MTBP: variants seen among roughly 807,000 people sequenced by gnomAD.
MTBP encodes the protein MDM2 binding protein, also known as mdm2-binding protein.
A neutral mutation model predicts 117.0 loss-of-function variants in MTBP; 101 were observed. The ratio of observed to expected loss-of-function variants is 0.86; its 90% CI spans 0.73 to 1.02. MTBP has a LOEUF of 1.02. Ranked by LOEUF, MTBP falls within the 50% of genes least tolerant of loss-of-function variation. MTBP has a pLI of 0.00. For synonymous variants in MTBP, 350 were observed against 351.5 expected (o/e 1.00, Z 0.05); for missense variants, 970 against 1,030.9 (o/e 0.94, Z 0.81).
At chr8:120,500,457 T>A (rs1814560145) in intron 14 of MTBP, among the ~76,000 whole-genome samples, 1 of 152,218 alleles carries the variant, frequency 6.6e-6, no homozygotes, top group Non-Finnish European at 1.5e-5. Flanking sequence ...ATTGCTTATA[T>A]TCTTTTATGA....
chr8:120,479,507 A>C (rs149760839), intron 11 of MTBP, among the ~76,000 whole-genome samples: 89 of 152,356 alleles, frequency 5.8e-4, no homozygotes, highest in African/African-American at 1.7e-3. Flanking sequence ...CTTGACTACC[A>C]ACCTTTATTG....
chr8:120,513,458 CT>C (rs1814855045), intron 17 of MTBP, among the ~76,000 whole-genome samples: 1 of 151,944 alleles, frequency 6.6e-6, no homozygotes, highest in African/African-American at 2.4e-5. Flanking sequence ...CACCCTGCCC[CT>C]TGCCTCTCTG....
intron 11 of MTBP, chr8:120,473,903 A>G (rs1813877516): frequency 6.6e-6 from 1 of 152,122 alleles, no homozygotes; most frequent in Non-Finnish European, 1.5e-5. Context: ...TCAGTTAATC[A>G]TAATATTAAC....
chr8:120,470,137 C>T (rs1813788132), intron 10 of MTBP, among the ~76,000 whole-genome samples: 1 of 151,960 alleles, frequency 6.6e-6, no homozygotes, highest in Non-Finnish European at 1.5e-5. Context: ...TTTTATTCAG[C>T]CCTTAATAAA....
At chr8:120,501,319 G>A (rs1452518438) in intron 14 of MTBP, among the ~76,000 whole-genome samples, 2 of 152,076 alleles carry the variant, frequency 1.3e-5, no homozygotes, top group Non-Finnish European at 2.9e-5. Context: ...CGGAGATTGG[G>A]CCAGTGCACT....
At chr8:120,509,463 A>G (rs768559582) in intron 16 of MTBP, among the ~76,000 whole-genome samples, 99 of 152,172 alleles carry the variant, frequency 6.5e-4, no homozygotes, top group Middle Eastern at 3.4e-3. Context: ...TTAGTTGGAC[A>G]TGGGAGCGGG....
At position 120,518,713 on chromosome 8, in the gene MTBP, G is replaced by C; in HGVS notation, c.2506G>C (p.Glu836Gln). 1 of 1,604,326 alleles carries C rather than the reference G, an allele frequency of 6.2e-7. No homozygotes were observed. Among genetic ancestry groups the C allele is most frequent in the Non-Finnish European group, 8.5e-7 (1 of 1,173,030 alleles). ...RSQKHTRILK[E>Q]VVTETLKKHS... ...TTATGTTCTGTTCAAGATACTGAAA[G>C]AAGTAGTTACTGAAACCCTGAAGAA... The change falls in exon 20 of 22, where the codon GAA (glutamate) becomes CAA (glutamine). Residue 836 changes from glutamate (E) to glutamine (Q), a missense_variant. Coordinates refer to ENST00000305949, the MANE Select transcript of MTBP (RefSeq NM_022045.5).
intron 4 of MTBP, among the ~76,000 whole-genome samples, 194 bp from the exon 5 acceptor site, chr8:120,453,653 G>A (rs1470852886): frequency 1.6e-5 from 2 of 128,812 alleles, no homozygotes; most frequent in Non-Finnish European, 3.2e-5. Flanking sequence ...GTAACTTTAG[G>A]GAAGTTATTT....
intron 11 of MTBP, among the ~76,000 whole-genome samples, chr8:120,475,972 C>G (rs956946760): frequency 2.0e-5 from 3 of 151,708 alleles, no homozygotes; most frequent in African/African-American, 7.3e-5. Flanking sequence ...CTTTAATTCT[C>G]GAAACAATAC....
At chr8:120,479,806 CAA>C (rs1279427766) in intron 11 of MTBP, among the ~76,000 whole-genome samples, 3 of 151,938 alleles carry the variant, frequency 2.0e-5, no homozygotes, top group East Asian at 1.9e-4. Flanking sequence ...AAAATAAAAA[CAA>C]AACATAAAAT....
chr8:120,470,714 A>T, intron 10 of MTBP, 106 bp from the exon 11 acceptor site: 1 of 769,590 alleles, frequency 1.3e-6, no homozygotes, highest in Non-Finnish European at 2.1e-6. Context: ...GGGCATTACT[A>T]AATGCATGTT....
intron 11 of MTBP, among the ~76,000 whole-genome samples, chr8:120,480,548 A>C (rs1479765766): frequency 6.6e-6 from 1 of 152,240 alleles, no homozygotes; most frequent in South Asian, 2.1e-4. Context: ...ACTTATTATA[A>C]AGCCACAGTT....
chr8:120,474,651 C>T (rs1226629567), intron 11 of MTBP, among the ~76,000 whole-genome samples: 1 of 151,928 alleles, frequency 6.6e-6, no homozygotes, highest in Non-Finnish European at 1.5e-5. Flanking sequence ...TCCTTTGTGA[C>T]TTTATTATTC....
At chr8:120,461,687 A>G (rs1813585789) in intron 9 of MTBP, among the ~76,000 whole-genome samples, 1 of 152,114 alleles carries the variant, frequency 6.6e-6, no homozygotes, top group Non-Finnish European at 1.5e-5. Context: ...CTGCCCAGAC[A>G]CCACCACGTA....
At chr8:120,457,909 G>A (rs1813503961) in intron 7 of MTBP, among the ~76,000 whole-genome samples, 1 of 147,396 alleles carries the variant, frequency 6.8e-6, no homozygotes, top group South Asian at 2.2e-4. Context: ...TCGCGCCACT[G>A]CACTCCAGCC....
chr8:120,514,103 A>C (rs1428164420), intron 17 of MTBP, among the ~76,000 whole-genome samples: 1 of 151,710 alleles, frequency 6.6e-6, no homozygotes, highest in Non-Finnish European at 1.5e-5. Flanking sequence ...TTTAAATATA[A>C]TTAATTTTAA....
chr8:120,487,064 C>A (rs2130577673), intron 11 of MTBP, among the ~76,000 whole-genome samples: 1 of 152,222 alleles, frequency 6.6e-6, no homozygotes, highest in African/African-American at 2.4e-5. Flanking sequence ...CACTTTGATT[C>A]CCTGATAATC....
chr8:120,502,725 A>G (rs1265577191), intron 15 of MTBP, 116 bp downstream of exon 15: 3 of 615,468 alleles, frequency 4.9e-6, no homozygotes, highest in Non-Finnish European at 8.1e-6. Flanking sequence ...TTATAAAAGA[A>G]ATACATACTT....
chr8:120,515,908 T>C lies in MTBP; in HGVS notation c.1980-17T>C. 1 of 1,608,256 alleles carries C rather than the reference T, an allele frequency of 6.2e-7. No homozygotes were observed. The highest frequency in any genetic ancestry group is 8.5e-7 in the Non-Finnish European group (1 of 1,176,858). ...CTCATGGAGGTTTACATTTTAATGCTCTTTCACTCATTTTAGATATTGCTT... is the reference window on the plus strand; with the variant it reads ...CTCATGGAGGTTTACATTTTAATGCCCTTTCACTCATTTTAGATATTGCTT... On this transcript the variant is annotated splice_polypyrimidine_tract_variant and intron_variant, in intron 17 of 21. Transcript: ENST00000305949.
Sources: allele counts gnomAD v4.1 joint callset (sites outside exome capture counted in the v4.1 genomes callset), GRCh38; gene constraint gnomAD v4.1.1; transcripts MANE v1.5; gene names NCBI Gene and HGNC (gene_info 2026-07-23, HGNC 2026-07-21).